Variants in HTT observed in about 807,000 individuals in gnomAD.
The protein encoded by HTT is huntington disease protein.
In HTT, 104 loss-of-function variants were observed where a neutral mutation model predicts 362.3. That is an observed-to-expected ratio of 0.29 (90% CI 0.24 to 0.34). HTT has a LOEUF of 0.34. Ranked by LOEUF, HTT falls within the 10% of genes least tolerant of loss-of-function variation. The probability of loss-of-function intolerance (pLI) is 1.00; values close to 1 mark genes in which losing one functional copy is unlikely to be tolerated. For synonymous variants in HTT, 1,577 were observed against 1,548.7 expected, an observed-to-expected ratio of 1.02 and a Z score of -0.43; for missense variants, 3,301 against 3,928.6, an observed-to-expected ratio of 0.84 and a Z score of 4.27.
At chr4:3,131,884 G>C in intron 16 of HTT, 109 bp downstream of exon 16, 1 of 1,064,734 alleles carries the variant, frequency 9.4e-7, no homozygotes. Flanking sequence ...GAGTTCATTT[G>C]GGATATTTGA....
Position 3,107,406 on chromosome 4 carries a change from A to C in HTT, c.730A>C (p.Asn244His). Residue 244 changes from asparagine to histidine, a missense_variant, in exon 6 of 67, where the codon AAT becomes CAT. Physicochemically the swap from Asn to His is moderately conservative, Grantham distance 68 (BLOSUM62 1). Transcript: ENST00000355072. ...KIMASFGNFA[N>H]DNEIKVLLKA... ...TATGGCTTCTTTTGGCAATTTTGCA[A>C]ATGACAATGAAATTAAGGTATGATT... 1 of 1,614,218 alleles carries C rather than the reference A, an allele frequency of 6.2e-7. No homozygotes were observed. Among genetic ancestry groups the C allele is most frequent in the East Asian group, 2.2e-5 (1 of 44,890 alleles).
At chr4:3,224,723 C>A (rs1720829842) in intron 56 of HTT, among the ~76,000 whole-genome samples, 1 of 152,206 alleles carries the variant, frequency 6.6e-6, no homozygotes, top group South Asian at 2.1e-4. Context: ...CTCTGTGATT[C>A]CGTAGCTATT....
Position 3,160,410 on chromosome 4 carries a change from T to C in HTT, c.3864+18T>C. ...TTGGGAAGGTTTGTGTCTTGTTTTT[T>C]CTCCTTGGGTTGTGGCTGGCACACT... On this transcript the variant is annotated intron_variant, in intron 29 of 66. Transcript: ENST00000355072. The C allele has an allele frequency of 1.4e-6, 2 of 1,473,252 alleles. No individual in the cohort carries two copies. The highest frequency in any genetic ancestry group is 1.9e-6 in the Non-Finnish European group (2 of 1,075,022). The allele number at this position is 1,473,252 out of a possible 1,614,324, so 91.3% of individuals were successfully genotyped here. A position where few individuals can be genotyped will look rare whatever the true frequency, so the allele number is the denominator to read the frequency against.
At chr4:3,211,274 G>C (rs1388106694) in intron 47 of HTT, among the ~76,000 whole-genome samples, 2 of 152,160 alleles carry the variant, frequency 1.3e-5, no homozygotes, top group East Asian at 3.8e-4. Flanking sequence ...TTAGTGATCT[G>C]TTTATTAGGT....
intron 49 of HTT, chr4:3,213,049 CT>C (rs1011277492): frequency 7.5e-6 from 2 of 268,256 alleles, no homozygotes; most frequent in African/African-American, 2.2e-5. Flanking sequence ...GGAATACTTA[CT>C]TGGTTTGTGT....
chr4:3,152,867 G>A (rs1404775128), intron 26 of HTT, among the ~76,000 whole-genome samples: 2 of 149,538 alleles, frequency 1.3e-5, no homozygotes, highest in African/African-American at 5.0e-5. Context: ...TAGCCAGGGT[G>A]GTCTCGATCT....
intron 1 of HTT, among the ~76,000 whole-genome samples, chr4:3,078,383 G>A (rs1165994056): frequency 6.6e-6 from 1 of 152,188 alleles, no homozygotes; most frequent in Admixed American, 6.5e-5. Context: ...AAAATATACA[G>A]TACGTTAATA....
intron 65 of HTT, 75 bp downstream of exon 65, chr4:3,238,684 C>T (rs926790134): frequency 1.9e-5 from 28 of 1,499,204 alleles, no homozygotes; most frequent in African/African-American, 4.1e-5. Flanking sequence ...CCAGCAGATT[C>T]GCCAGCAGAG....
In HTT at chr4:3,206,631, C is replaced by T. The variant is rs776416220; in HGVS notation, c.5854C>T (p.Leu1952=). The change falls in exon 43 of 67, where the codon CTG becomes TTG. Residue 1952 remains leucine (L), a synonymous_variant. Transcript: ENST00000355072. This position sits in a 1 kb window ranked among gnomAD's most constrained non-coding sequence, Gnocchi z 4.6. ...AVHRNSAASG[L]FIQAIQSRCE... Reference sequence around the variant, plus strand: ...TCATCGGAACTCTGCTGCCAGCGGCCTGTTCATCCAGGCAATTCAGTCTCG... The same window carrying T: ...TCATCGGAACTCTGCTGCCAGCGGCTTGTTCATCCAGGCAATTCAGTCTCG... 3 of 1,614,218 alleles carry T rather than the reference C, an allele frequency of 1.9e-6. No individual in the cohort carries two copies. Among genetic ancestry groups the T allele is most frequent in the African/African-American group, 1.3e-5 (1 of 75,062 alleles).
rs1027576398 is a variant in HTT, at chr4:3,233,221, A to G, written c.8324A>G (p.His2775Arg). ...RLLESTLRSS[H>R]LPSRVGALHG... ...CTGGAGAGCACGCTCAGGAGCAGCC[A>G]CCTGCCCAGCAGGGTTGGAGCCCTG... Residue 2775 changes from histidine (H) to arginine (R), a missense_variant, in exon 61 of 67, where the codon CAC becomes CGC. His to Arg is a conservative substitution (Grantham distance 29). Coordinates refer to ENST00000355072, the MANE Select transcript of HTT (RefSeq NM_001388492.1). 1.2e-6 allele frequency: 2 copies of G among 1,602,974 alleles called. No homozygotes were observed. The highest frequency in any genetic ancestry group is 2.7e-5 in the African/African-American group (2 of 74,764).
chr4:3,204,342 T>A (rs1297119188), intron 42 of HTT, among the ~76,000 whole-genome samples, 194 bp downstream of exon 42: 7 of 152,166 alleles, frequency 4.6e-5, no homozygotes, highest in African/African-American at 1.7e-4. Context: ...GGCCTTCCAG[T>A]CACTGGATTC....
chr4:3,166,262 T>C (rs1222324880), intron 29 of HTT, among the ~76,000 whole-genome samples: 1 of 152,222 alleles, frequency 6.6e-6, no homozygotes, highest in Non-Finnish European at 1.5e-5. Flanking sequence ...CAGCAAATAT[T>C]GCTGCCTGAT....
intron 1 of HTT, among the ~76,000 whole-genome samples, chr4:3,084,247 C>G (rs899070978): frequency 1.7e-4 from 24 of 139,496 alleles, no homozygotes; most frequent in African/African-American, 5.6e-4. Context: ...CTCTGTTGCC[C>G]AGGCTGGAGT....
rs1213184542 is a variant in HTT at position 3,242,971 on chromosome 4, A to G, written c.*2912A>G. 1 of 152,184 alleles carries G rather than the reference A, an allele frequency of 6.6e-6. No homozygotes were observed. Among genetic ancestry groups the G allele is most frequent in the Non-Finnish European group, 1.5e-5 (1 of 68,016 alleles). The allele number at this position is 152,184 out of a possible 1,614,324, so 9.4% of individuals were successfully genotyped here. ...GCGCATGTGTCCTTTCAAGGGGAAA[A>G]TGTGAAGCTGAACCCCCTCCAGACA... On this transcript the variant is annotated 3_prime_UTR_variant, in exon 67 of 67. Transcript: ENST00000355072.
At chr4:3,125,167 A>G (rs905102331) in intron 10 of HTT, among the ~76,000 whole-genome samples, 1 of 152,184 alleles carries the variant, frequency 6.6e-6, no homozygotes, top group Non-Finnish European at 1.5e-5. Context: ...CATTGGAGCT[A>G]TGACATGAAT....
intron 19 of HTT, among the ~76,000 whole-genome samples, chr4:3,135,454 T>A (rs1716017813): frequency 6.6e-6 from 1 of 151,946 alleles, no homozygotes; most frequent in Non-Finnish European, 1.5e-5. Context: ...TTGTTTTTTT[T>A]TTTTCCAAGC....
chr4:3,107,559 C>G, intron 6 of HTT, 136 bp downstream of exon 6: 10 of 794,796 alleles, frequency 1.3e-5, no homozygotes, highest in Non-Finnish European at 1.8e-5. Flanking sequence ...AGACTACCAT[C>G]ATTTGTGTTA....
chr4:3,178,391 A>C lies in HTT; in HGVS notation c.4557A>C (p.Lys1519Asn). The C allele has an allele frequency of 6.2e-7, 1 of 1,613,798 alleles. No individual in the cohort carries two copies. Among genetic ancestry groups the C allele is most frequent in the East Asian group, 2.2e-5 (1 of 44,876 alleles). The change falls in exon 35 of 67, where the codon AAA becomes AAC. Residue 1519 changes from lysine to asparagine, a missense_variant. This residue lies in a region of HTT where 2,316 missense variants were observed against 2,658.5 expected (regional missense o/e 0.87). Coordinates refer to ENST00000355072, the MANE Select transcript of HTT (RefSeq NM_001388492.1). ...YHSKQIIGIP[K>N]IIQLCDGIMA... ...CAAAACAGATCATTGGAATTCCTAA[A>C]ATCATTCAGCTCTGTGATGGCATCA...
At chr4:3,224,240 T>G in intron 56 of HTT, 109 bp downstream of exon 56, 1 of 1,178,466 alleles carries the variant, frequency 8.5e-7, no homozygotes. Flanking sequence ...GTGGTCTGAG[T>G]TGGAGGCTGT....
Sources: gnomAD v4.1 joint callset for allele counts (sites outside exome capture counted in the v4.1 genomes callset) on GRCh38, gnomAD v4.1.1 for gene constraint, gnomAD v4.1.1 regional missense constraint, Gnocchi (gnomAD v3.1) non-coding constraint, MANE v1.5 for transcripts, NCBI Gene and HGNC (gene_info 2026-07-23, HGNC 2026-07-21) for gene names.